ASPG: variants seen among roughly 807,000 people sequenced by gnomAD.
ASPG encodes 60 kDa lysophospholipase.
Under a neutral mutation model 63.2 loss-of-function variants are expected in ASPG, and 53 were observed. The observed-to-expected ratio is 0.84, with a 90% CI of 0.67 to 1.05. The LOEUF (loss-of-function observed/expected upper bound fraction) is 1.05. Ranked by LOEUF, ASPG falls within the 50% of genes least tolerant of loss-of-function variation. ASPG has a pLI of 0.00. For missense variants in ASPG, 741 were observed against 794.4 expected, an observed-to-expected ratio of 0.93 and a Z score of 0.81; for synonymous variants, 370 against 355.0, an observed-to-expected ratio of 1.04 and a Z score of -0.48.
At position 104,109,159 on chromosome 14, in the gene ASPG, G is replaced by T; in HGVS notation, c.1434-70G>T. The T allele has an allele frequency of 1.3e-6, 2 of 1,582,508 alleles. No individual in the cohort carries two copies. The highest frequency in any genetic ancestry group is 2.3e-5 in the South Asian group (2 of 86,538). On this transcript the variant is annotated intron_variant, in intron 12 of 15. Transcript: ENST00000551177. This position sits in a 1 kb window ranked among gnomAD's most constrained non-coding sequence, Gnocchi z 4.8. ...CTGTGCACAGGACATGAGCTCTGCT[G>T]GCTCCTGAGTGAGGTGCAGCGGGGC... is the stretch of plus-strand genomic sequence containing the variant.
At chr14:104,096,938 C>T (rs1380017269) in intron 4 of ASPG, among the ~76,000 whole-genome samples, 9 of 152,218 alleles carry the variant, frequency 5.9e-5, no homozygotes, top group South Asian at 4.1e-4. Flanking sequence ...CCTCCTGGGA[C>T]GCGCTGTTCA....
intron 7 of ASPG, 123 bp from the exon 8 acceptor site, chr14:104,104,181 A>G: frequency 8.8e-7 from 1 of 1,131,076 alleles, no homozygotes; most frequent in Non-Finnish European, 1.2e-6. Context: ...CTGTCCCGGG[A>G]GCAGAGCAGG....
chr14:104,108,424 C>CG (rs2037239561), intron 12 of ASPG: 1 of 985,276 alleles, frequency 1.0e-6, no homozygotes, highest in African/African-American at 1.7e-5. Context: ...CGCCCCCAAC[C>CG]GGTCTCCCAG....
At position 104,092,703 on chromosome 14, in the gene ASPG, C is replaced by A; in HGVS notation, c.153C>A (p.Ala51=). The A allele has an allele frequency of 6.5e-7, 1 of 1,537,534 alleles. No homozygotes were observed. The highest frequency in any genetic ancestry group is 8.7e-7 in the Non-Finnish European group (1 of 1,147,438). ...TLPMFHDEEH[A]RARGLSEDTL... is the part of the protein sequence containing the mutation. Reference sequence around the variant, plus strand: ...CCATGTTCCATGACGAGGAGCACGCCCGAGCCCGCGGCCTCTCTGAGGACA... The same window carrying A: ...CCATGTTCCATGACGAGGAGCACGCACGAGCCCGCGGCCTCTCTGAGGACA... The change falls in exon 2 of 16, where the codon GCC becomes GCA. Residue 51 remains alanine, a synonymous_variant. Coordinates refer to ENST00000551177, the MANE Select transcript of ASPG (RefSeq NM_001080464.3).
Position 104,105,425 on chromosome 14 carries a change from G to A in ASPG, c.1148G>A (p.Trp383Ter). 1 of 1,608,060 alleles carries A rather than the reference G, an allele frequency of 6.2e-7. No homozygotes were observed. Among genetic ancestry groups the A allele is most frequent in the Non-Finnish European group, 8.5e-7 (1 of 1,177,736 alleles). The change falls in exon 10 of 16, where the codon TGG becomes TAG. Residue 383 changes from tryptophan to a stop codon, truncating the protein, a stop_gained. Coordinates refer to ENST00000551177, the MANE Select transcript of ASPG (RefSeq NM_001080464.3). LOFTEE classifies it high-confidence loss of function. ...QGNTLGGGVS[W>*]LLSLSGSQEA... ...AACACGCTGGGCGGTGGGGTCTCCT[G>A]GCTCCTCAGTCTGAGCGGCAGCCAG...
chr14:104,105,502 T>A, intron 10 of ASPG, 52 bp downstream of exon 10: 2 of 1,495,466 alleles, frequency 1.3e-6, no homozygotes, highest in Non-Finnish European at 1.8e-6. Context: ...GTGCACCCTC[T>A]TGGTCACCCT....
chr14:104,098,114 G>GTATGGAGGTTCTACGTTAGAGATGCA (rs1566830520), intron 5 of ASPG, among the ~76,000 whole-genome samples: 5 of 129,014 alleles, frequency 3.9e-5, no homozygotes, highest in Admixed American at 7.7e-5. Context: ...TTAGAGATGC[G>GTATGGAGGTTCTACGTTAGAGATGCA]TATGGAGGTT....
At chr14:104,108,530 G>T in intron 12 of ASPG, 2 of 985,428 alleles carry the variant, frequency 2.0e-6, no homozygotes, top group Non-Finnish European at 2.4e-6. Flanking sequence ...CTATTCCCAG[G>T]CTCCCTAAAT....
chr14:104,110,066 T>C lies in ASPG; in HGVS notation c.1520+751T>C. 1.0e-6 allele frequency: 1 copy of C among 985,394 alleles called. No individual in the cohort carries two copies. The highest frequency in any genetic ancestry group is 1.2e-6 in the Non-Finnish European group (1 of 829,902). 61.0% of individuals were successfully genotyped at this position (985,394 alleles called of 1,614,324 possible). ...TGCCTTGTGCCTGGTGACTTGGCGC[T>C]GCCTCCTGTGCCCAGCCTGGGCTGC... On this transcript the variant is annotated intron_variant, in intron 13 of 15. Transcript: ENST00000551177. The surrounding 1 kb of genome is among the most constrained non-coding windows in gnomAD (Gnocchi z 4.7).
intron 5 of ASPG, among the ~76,000 whole-genome samples, chr14:104,098,217 C>G (rs565000385): frequency 6.6e-6 from 1 of 152,030 alleles, no homozygotes; most frequent in Non-Finnish European, 1.5e-5. Context: ...GTTAGAGATA[C>G]GTATGGAGGT....
At chr14:104,112,069 C>CG (rs985228386) in intron 15 of ASPG, 69 bp downstream of exon 15, 49 of 1,418,880 alleles carry the variant, frequency 3.5e-5, no homozygotes, top group African/African-American at 4.3e-5. Context: ...GATCCTGGCT[C>CG]GGGGGGGCGT....
Position 104,109,401 on chromosome 14 carries a change from G to C in ASPG, c.1520+86G>C. On this transcript the variant is annotated intron_variant, in intron 13 of 15. Coordinates refer to ENST00000551177, the MANE Select transcript of ASPG (RefSeq NM_001080464.3). The surrounding 1 kb of genome is among the most constrained non-coding windows in gnomAD (Gnocchi z 4.8). ...AAGCCAGACCTGCTGGGAGGGACAAGTGAGTCAGGGTGTGGGGGCTTTCAG... is the reference window on the plus strand; with the variant it reads ...AAGCCAGACCTGCTGGGAGGGACAACTGAGTCAGGGTGTGGGGGCTTTCAG... 1 of 1,418,636 alleles carries C rather than the reference G, an allele frequency of 7.0e-7. No homozygotes were observed. Among genetic ancestry groups the C allele is most frequent in the Non-Finnish European group, 9.5e-7 (1 of 1,055,488 alleles). 87.9% of individuals were successfully genotyped at this position (1,418,636 alleles called of 1,614,324 possible).
intron 11 of ASPG, 48 bp from the exon 12 acceptor site, chr14:104,107,133 GC>G: frequency 6.6e-7 from 1 of 1,523,600 alleles, no homozygotes; most frequent in Non-Finnish European, 8.8e-7. Flanking sequence ...GGCCTACCTG[GC>G]CCCGCCTGGG....
Position 104,110,403 on chromosome 14 carries a change from A to G in ASPG, c.1520+1088A>G. On this transcript the variant is annotated intron_variant, in intron 13 of 15. Coordinates refer to ENST00000551177, the MANE Select transcript of ASPG (RefSeq NM_001080464.3). This position sits in a 1 kb window ranked among gnomAD's most constrained non-coding sequence, Gnocchi z 4.7. ...GTGACTTGGTCAAGATTTGCACTCCAGACAGGCCTTGCTGGCTCCATTGAC... is the reference window on the plus strand; with the variant it reads ...GTGACTTGGTCAAGATTTGCACTCCGGACAGGCCTTGCTGGCTCCATTGAC... 1.0e-6 allele frequency: 1 copy of G among 985,348 alleles called. No homozygotes were observed. The highest frequency in any genetic ancestry group is 1.2e-6 in the Non-Finnish European group (1 of 829,896). The allele number at this position is 985,348 out of a possible 1,614,324, so 61.0% of individuals were successfully genotyped here.
chr14:104,107,750 C>A (rs1046885442), intron 12 of ASPG, among the ~76,000 whole-genome samples: 1 of 152,232 alleles, frequency 6.6e-6, no homozygotes, highest in Non-Finnish European at 1.5e-5. Context: ...ACCAAGCAAG[C>A]CCTGGCTGGT....
chr14:104,094,944 C>T (rs984889577), intron 3 of ASPG, among the ~76,000 whole-genome samples: 5 of 152,196 alleles, frequency 3.3e-5, no homozygotes, highest in Admixed American at 1.3e-4. Flanking sequence ...CCTGGGCTCT[C>T]GGAACGGTGC....
In ASPG at chr14:104,110,069, C is replaced by T. The variant is rs980680161; in HGVS notation, c.1520+754C>T. ...CTTGTGCCTGGTGACTTGGCGCTGC[C>T]TCCTGTGCCCAGCCTGGGCTGCCCG... is the stretch of plus-strand genomic sequence containing the variant. On this transcript the variant is annotated intron_variant, in intron 13 of 15. Transcript: ENST00000551177. This position sits in a 1 kb window ranked among gnomAD's most constrained non-coding sequence, Gnocchi z 4.7. The T allele has an allele frequency of 5.1e-6, 5 of 985,290 alleles. No individual in the cohort carries two copies. Among genetic ancestry groups the T allele is most frequent in the African/African-American group, 1.7e-5 (1 of 57,220 alleles). The allele number at this position is 985,290 out of a possible 1,614,324, so 61.0% of individuals were successfully genotyped here.
chr14:104,112,118 C>A (rs1196234884), intron 15 of ASPG, 118 bp downstream of exon 15: 8 of 979,172 alleles, frequency 8.2e-6, no homozygotes, highest in East Asian at 5.3e-5. Context: ...TGAGATGGGT[C>A]CCAGCCAGTT....
rs188733002 is a variant in ASPG at position 104,105,850 on chromosome 14, G to A, written c.1173+400G>A. On this transcript the variant is annotated intron_variant, in intron 10 of 15. Transcript: ENST00000551177. ...GAGGTGAGGGCCAGCCTTTGAGCAC[G>A]TCCCCTGCACAACTGAGGTGCCCAG... is the stretch of plus-strand genomic sequence containing the variant. Among the ~76,000 whole-genome samples, 759 of 152,306 alleles carry A rather than the reference G, an allele frequency of 5.0e-3. 4 individuals are homozygous for A. Among genetic ancestry groups the A allele is most frequent in the Admixed American group, 7.5e-3 (115 of 15,308 alleles).
Sources: gnomAD v4.1 joint callset for allele counts (sites outside exome capture counted in the v4.1 genomes callset) on GRCh38, gnomAD v4.1.1 for gene constraint, Gnocchi (gnomAD v3.1) non-coding constraint, MANE v1.5 for transcripts, NCBI Gene and HGNC (gene_info 2026-07-23, HGNC 2026-07-21) for gene names.